HS2ST1: variants seen among roughly 807,000 people sequenced by gnomAD.
HS2ST1 encodes the protein 2-O-sulfotransferase.
In HS2ST1, 18 loss-of-function variants were observed where a neutral mutation model predicts 42.9. The ratio of observed to expected loss-of-function variants is 0.42; its 90% CI spans 0.29 to 0.62. The LOEUF (loss-of-function observed/expected upper bound fraction) is 0.62. HS2ST1 is among the 20% of genes least tolerant of loss of function. The pLI, the probability that HS2ST1 is intolerant of heterozygous loss-of-function variation, is 0.21. For synonymous variants in HS2ST1, 146 were observed against 152.9 expected, an observed-to-expected ratio of 0.95 and a Z score of 0.33; for missense variants, 334 against 433.8, an observed-to-expected ratio of 0.77 and a Z score of 2.04.
At chr1:86,917,156 T>G (rs1391973714) in intron 1 of HS2ST1, among the ~76,000 whole-genome samples, 1 of 152,158 alleles carries the variant, frequency 6.6e-6, no homozygotes, top group East Asian at 1.9e-4. Flanking sequence ...AAACCATATT[T>G]TGACAACCAT....
chr1:87,037,312 T>C (rs1650404376), intron 1 of HS2ST1, among the ~76,000 whole-genome samples: 1 of 19,160 alleles, frequency 5.2e-5, no homozygotes, highest in South Asian at 3.6e-3. Flanking sequence ...ATGAGTTGGA[T>C]AACTATTATA....
intron 4 of HS2ST1, 73 bp downstream of exon 4, chr1:87,092,742 T>G: frequency 1.0e-6 from 1 of 956,514 alleles, no homozygotes; most frequent in Non-Finnish European, 1.4e-6. Context: ...GCTTTTAAAA[T>G]TTGTTGTTAA....
At chr1:86,937,742 T>A (rs1660685803) in intron 1 of HS2ST1, among the ~76,000 whole-genome samples, 7 of 152,096 alleles carry the variant, frequency 4.6e-5, no homozygotes, top group Admixed American at 4.6e-4. Flanking sequence ...ATAAAATCCC[T>A]TTCTAATCTG....
intron 1 of HS2ST1, among the ~76,000 whole-genome samples, chr1:86,999,405 C>T (rs1047796431): frequency 6.6e-6 from 1 of 152,004 alleles, no homozygotes. Flanking sequence ...CTCGAACTCC[C>T]GACTTCAGAT....
At chr1:87,090,356 A>G (rs562336478) in intron 3 of HS2ST1, among the ~76,000 whole-genome samples, 26 of 152,124 alleles carry the variant, frequency 1.7e-4, no homozygotes, top group Admixed American at 6.6e-5. Context: ...TGTATTTGCA[A>G]CAGTACTGTC....
chr1:86,950,687 TTG>T (rs1354282435), intron 1 of HS2ST1, among the ~76,000 whole-genome samples: 1 of 152,014 alleles, frequency 6.6e-6, no homozygotes, highest in Admixed American at 6.6e-5. Context: ...CAAAGAAAAA[TTG>T]TGTCTGTGCA....
At position 87,092,540 on chromosome 1, in the gene HS2ST1, G is replaced by A. The variant is rs754139202; in HGVS notation, c.459G>A (p.Val153=). Residue 153 remains valine, a synonymous_variant, in exon 4 of 7, where the codon GTG becomes GTA. Coordinates refer to ENST00000370550, the MANE Select transcript of HS2ST1 (RefSeq NM_012262.4). The stretch of plus-strand genomic sequence containing the variant: ...TTTTGTTGTATTTCAGATTTGGTGT[G>A]AAGAAGAAACCAATTTACATTAATG... The part of the protein sequence containing the change: ...VSYLDFAKFG[V]KKKPIYINVI... 2.8e-5 allele frequency: 44 copies of A among 1,544,250 alleles called. 1 individual carries two copies. The highest frequency in any genetic ancestry group is 8.6e-5 in the Admixed American group (4 of 46,350).
intron 1 of HS2ST1, among the ~76,000 whole-genome samples, chr1:86,975,188 T>C (rs1451114449): frequency 3.9e-5 from 6 of 152,154 alleles, no homozygotes; most frequent in Non-Finnish European, 1.5e-5. Flanking sequence ...AAAAGTTTTA[T>C]ACGCATATTT....
At chr1:86,918,491 C>T (rs1395369942) in intron 1 of HS2ST1, among the ~76,000 whole-genome samples, 3 of 151,640 alleles carry the variant, frequency 2.0e-5, no homozygotes, top group East Asian at 1.9e-4. Context: ...TGTATATATA[C>T]ATATATATAT....
chr1:86,919,582 A>G (rs965451098), intron 1 of HS2ST1, among the ~76,000 whole-genome samples: 2 of 152,012 alleles, frequency 1.3e-5, no homozygotes, highest in Admixed American at 1.3e-4. Flanking sequence ...TCAATTTTGG[A>G]TGCTATTTTC....
At chr1:87,093,593 T>C (rs1651996403) in intron 4 of HS2ST1, among the ~76,000 whole-genome samples, 1 of 152,126 alleles carries the variant, frequency 6.6e-6, no homozygotes, top group South Asian at 2.1e-4. Context: ...CCAGTTTACC[T>C]ACTGTCTTTT....
At chr1:86,984,555 T>A (rs1003531114) in intron 1 of HS2ST1, among the ~76,000 whole-genome samples, 1 of 152,144 alleles carries the variant, frequency 6.6e-6, no homozygotes, top group Non-Finnish European at 1.5e-5. Flanking sequence ...TGTTTTCTTA[T>A]GGGATTTAAG....
intron 1 of HS2ST1, among the ~76,000 whole-genome samples, chr1:87,013,535 C>G (rs1025370840): frequency 2.6e-5 from 4 of 152,248 alleles, no homozygotes; most frequent in Non-Finnish European, 5.9e-5. Context: ...GAGGGGCTGC[C>G]ATGAAGACAT....
chr1:87,043,936 G>A (rs1009129287), intron 1 of HS2ST1, among the ~76,000 whole-genome samples: 5 of 151,966 alleles, frequency 3.3e-5, no homozygotes, highest in African/African-American at 1.2e-4. Flanking sequence ...AAATGCTTTT[G>A]TATTTGAAGT....
intron 6 of HS2ST1, among the ~76,000 whole-genome samples, 162 bp from the exon 7 acceptor site, chr1:87,104,308 T>C (rs1368912449): frequency 6.6e-6 from 1 of 152,174 alleles, no homozygotes; most frequent in Non-Finnish European, 1.5e-5. Context: ...ATCATGGCTC[T>C]AGTTTGATCA....
chr1:87,029,609 C>T (rs1650175436), intron 1 of HS2ST1, among the ~76,000 whole-genome samples: 1 of 152,138 alleles, frequency 6.6e-6, no homozygotes, highest in African/African-American at 2.4e-5. Context: ...GATTTTTGTG[C>T]TCTCACACCA....
chr1:87,004,933 G>T (rs964766763), intron 1 of HS2ST1, among the ~76,000 whole-genome samples: 2 of 152,102 alleles, frequency 1.3e-5, no homozygotes, highest in African/African-American at 4.8e-5. Context: ...TTTTAATTAG[G>T]TCATCCTTGG....
intron 3 of HS2ST1, among the ~76,000 whole-genome samples, chr1:87,084,897 A>G (rs1282613673): frequency 6.6e-6 from 1 of 150,958 alleles, no homozygotes; most frequent in Non-Finnish European, 1.5e-5. Context: ...CTCCTGCCTC[A>G]GCCTCCCAAA....
chr1:87,037,664 A>T (rs1325542285), intron 1 of HS2ST1, among the ~76,000 whole-genome samples: 1 of 151,438 alleles, frequency 6.6e-6, no homozygotes. Context: ...CCTATTATAA[A>T]TTGGGTATGT....
Sources: gnomAD v4.1 joint callset for allele counts (sites outside exome capture counted in the v4.1 genomes callset) on GRCh38, gnomAD v4.1.1 for gene constraint, MANE v1.5 for transcripts, NCBI Gene and HGNC (gene_info 2026-07-23, HGNC 2026-07-21) for gene names.